The following ADAP1 variants were observed in gnomAD, a reference collection of about 807,000 sequenced individuals.
ADAP1 encodes ArfGAP with dual PH domains 1.
Under a neutral mutation model 54.9 loss-of-function variants are expected in ADAP1, and 31 were observed. That is an observed-to-expected ratio of 0.56 (90% CI 0.42 to 0.76). ADAP1 has a LOEUF of 0.76. Among genes scored for constraint, ADAP1 ranks in the 30% least tolerant of loss-of-function variants. The probability of loss-of-function intolerance (pLI) is 0.00; values close to 1 mark genes in which losing one functional copy is unlikely to be tolerated. For missense variants in ADAP1, 535 were observed against 512.4 expected (o/e 1.04, Z -0.42); for synonymous variants, 313 against 202.6 (o/e 1.55, Z -4.63).
rs746111308 is a variant in ADAP1 at position 899,259 on chromosome 7, G to A, written c.870C>T (p.Asp290=). 98 of 1,612,546 alleles carry A rather than the reference G, an allele frequency of 6.1e-5. 1 individual carries two copies. Among genetic ancestry groups the A allele is most frequent in the East Asian group, 4.9e-4 (22 of 44,868 alleles). Residue 290 remains aspartate, a splice_region_variant and synonymous_variant, in exon 10 of 11, where the codon GAC becomes GAT. Transcript: ENST00000265846. ...RRLMYFKDPL[D]AFARGEVFIG... ...TGAAGACTTCCCCTCGGGCGAAGGC[G>A]TCCTGTGGGTGGGGACCGCACTGGA...
At chr7:916,886 C>T (rs949880981) in intron 4 of ADAP1, among the ~76,000 whole-genome samples, 8 of 152,212 alleles carry the variant, frequency 5.3e-5, no homozygotes, top group South Asian at 4.1e-4. Flanking sequence ...GCTCACCCCA[C>T]GCCGCTCCTG....
intron 4 of ADAP1, 64 bp downstream of exon 4, chr7:919,904 G>A (rs1846118119): frequency 1.6e-6 from 2 of 1,255,184 alleles, no homozygotes; most frequent in South Asian, 1.3e-5. Flanking sequence ...AAAGAGATGG[G>A]GGAGGGAGGG....
rs761457256 is a variant in ADAP1, at chr7:899,475, G to A, written c.811C>T (p.Arg271Trp). Residue 271 changes from arginine (R) to tryptophan (W), a missense_variant, in exon 9 of 11, where the codon CGG becomes TGG. Arg to Trp is a moderately radical substitution (Grantham distance 101, BLOSUM62 -3). Coordinates refer to ENST00000265846, the MANE Select transcript of ADAP1 (RefSeq NM_006869.4). ...TCATCCATGGTGAACCAGCGCTTCCGGAAGCCTTCCGTTTGCTGTGGGTCA... is the reference window on the plus strand; with the variant it reads ...TCATCCATGGTGAACCAGCGCTTCCAGAAGCCTTCCGTTTGCTGTGGGTCA... ...KTGPKQTEGFRKRWFTMDDRR... is the reference protein window; with the variant it reads ...KTGPKQTEGFWKRWFTMDDRR... The A allele has an allele frequency of 1.7e-5, 27 of 1,612,936 alleles. No individual in the cohort carries two copies. Among genetic ancestry groups the A allele is most frequent in the East Asian group, 2.2e-5 (1 of 44,864 alleles).
At chr7:912,805 A>G (rs1034815100) in intron 4 of ADAP1, among the ~76,000 whole-genome samples, 3 of 151,810 alleles carry the variant, frequency 2.0e-5, no homozygotes, top group Non-Finnish European at 4.4e-5. Flanking sequence ...GGTTCAAGCT[A>G]TTCTCCTGTC....
intron 2 of ADAP1, among the ~76,000 whole-genome samples, chr7:932,261 C>CCCAGCCTTCCTCT (rs970690421): frequency 4.5e-4 from 68 of 152,246 alleles, no homozygotes; most frequent in African/African-American, 1.6e-3. Flanking sequence ...GTGGGCCCTC[C>CCCAGCCTTCCTCT]CCAGCCTTCC....
chr7:947,978 G>A (rs921293136), intron 1 of ADAP1, among the ~76,000 whole-genome samples: 4 of 142,540 alleles, frequency 2.8e-5, no homozygotes, highest in Admixed American at 1.4e-4. Flanking sequence ...CCCCACCCCC[G>A]ACACCACCAG....
intron 7 of ADAP1, 43 bp downstream of exon 7, chr7:900,490 C>T (rs1844737012): frequency 2.1e-6 from 3 of 1,409,900 alleles, no homozygotes; most frequent in African/African-American, 2.8e-5. Flanking sequence ...CCCACCCCAC[C>T]ACCCCTGTCT....
intron 8 of ADAP1, among the ~76,000 whole-genome samples, chr7:899,871 C>T (rs1023851068): frequency 4.6e-5 from 7 of 152,166 alleles, no homozygotes; most frequent in East Asian, 3.9e-4. Context: ...TGCACGGTCC[C>T]GTGGGTGAGG....
chr7:939,253 C>T (rs1446599261), intron 1 of ADAP1, among the ~76,000 whole-genome samples: 1 of 152,066 alleles, frequency 6.6e-6, no homozygotes, highest in East Asian at 1.9e-4. Flanking sequence ...GAGTTTCGCT[C>T]TTGTTGTCCA....
chr7:920,602 CAGG>C lies in ADAP1; in HGVS notation c.306-555_306-553del, dbSNP rs1846155698. On this transcript the variant is annotated intron_variant, in intron 3 of 10. Transcript: ENST00000265846. This position sits in a 1 kb window ranked among gnomAD's most constrained non-coding sequence, Gnocchi z 4.5. Reference sequence around the variant, plus strand: ...GAGCTATCAGGGCACCCGTCGAGGTCAGGAGGCGTCCGGGGCATCAGGAGAAAC... The same window carrying C: ...GAGCTATCAGGGCACCCGTCGAGGTCAGGCGTCCGGGGCATCAGGAGAAAC... Among the ~76,000 whole-genome samples, 3 of 152,142 alleles carry C rather than the reference CAGG, an allele frequency of 2.0e-5. No homozygotes were observed. Among genetic ancestry groups the C allele is most frequent in the Admixed American group, 2.0e-4 (3 of 15,278 alleles).
At chr7:910,270 C>CTTTT (rs543799061) in intron 4 of ADAP1, among the ~76,000 whole-genome samples, 1 of 145,180 alleles carries the variant, frequency 6.9e-6, no homozygotes, top group Non-Finnish European at 1.5e-5. Flanking sequence ...GTTTACGAGG[C>CTTTT]TTTTTTTTTT....
At chr7:907,987 TCGTGGGGCCGTCTGCTGAGCATC>T (rs1412548413) in intron 4 of ADAP1, among the ~76,000 whole-genome samples, 1 of 151,506 alleles carries the variant, frequency 6.6e-6, no homozygotes, top group Non-Finnish European at 1.5e-5. Context: ...CTTCCCGGGG[TCGTGGGGCCGTCTGCTGAGCATC>T]CGTGGGCCTG....
In ADAP1 at chr7:926,863, C is replaced by T. The variant is rs980859796; in HGVS notation, c.214-219G>A. ...ACAGGGAAGGAGCCAGCGTCCCTAA[C>T]GACGGGGTCCCGGCAAAGGGGGCCC... On this transcript the variant is annotated intron_variant, in intron 2 of 10. Coordinates refer to ENST00000265846, the MANE Select transcript of ADAP1 (RefSeq NM_006869.4). The surrounding 1 kb of genome is among the most constrained non-coding windows in gnomAD (Gnocchi z 4.6). 2.8e-5 allele frequency: 24 copies of T among 854,382 alleles called. No individual in the cohort carries two copies. The Admixed American group carries it at 4.9e-4, about 17-fold the overall frequency. The allele number at this position is 854,382 out of a possible 1,614,324, so 52.9% of individuals were successfully genotyped here. A position where few individuals can be genotyped will look rare whatever the true frequency, so the allele number is the denominator to read the frequency against.
chr7:950,138 A>G (rs1452885637), intron 1 of ADAP1, among the ~76,000 whole-genome samples: 1 of 152,248 alleles, frequency 6.6e-6, no homozygotes, highest in African/African-American at 2.4e-5. Flanking sequence ...AGCACTCGCC[A>G]CAGCATCTGT....
At chr7:902,766 G>C (rs5024793) in intron 6 of ADAP1, among the ~76,000 whole-genome samples, 127,048 of 152,060 alleles carry the variant, frequency 0.84, 53,359 homozygotes, top group East Asian at 1. Flanking sequence ...CCCAGCACAT[G>C]AAAAGACGAG....
chr7:953,777 T>TA (rs1188646753), intron 1 of ADAP1, among the ~76,000 whole-genome samples: 1 of 152,210 alleles, frequency 6.6e-6, no homozygotes, highest in East Asian at 1.9e-4. Flanking sequence ...GAGTCAGGGA[T>TA]GCCCGGCCGG....
chr7:904,881 C>T (rs988023991), intron 5 of ADAP1, among the ~76,000 whole-genome samples, 179 bp downstream of exon 5: 18 of 152,336 alleles, frequency 1.2e-4, no homozygotes, highest in Middle Eastern at 3.4e-3. Context: ...CCCTGGGGGA[C>T]GCTGGGTCCG....
chr7:900,024 C>A, intron 8 of ADAP1, 78 bp downstream of exon 8: 1 of 1,542,306 alleles, frequency 6.5e-7, no homozygotes, highest in East Asian at 2.2e-5. Context: ...CGGCAGCTGG[C>A]AAGGCTGCTG....
At chr7:955,270 A>G (rs181704426), upstream of ADAP1, 356 of 1,547,970 alleles carry the variant, frequency 2.3e-4, 1 homozygote, top group African/African-American at 4.2e-3. Flanking sequence ...GACAGGTAAC[A>G]AAAAACCTGG....
Sources: gnomAD v4.1 joint callset for allele counts (sites outside exome capture counted in the v4.1 genomes callset) on GRCh38, gnomAD v4.1.1 for gene constraint, Gnocchi (gnomAD v3.1) non-coding constraint, MANE v1.5 for transcripts, NCBI Gene and HGNC (gene_info 2026-07-23, HGNC 2026-07-21) for gene names.